Variants in LUZP1 observed in about 807,000 individuals in gnomAD.
The protein encoded by LUZP1 is leucine zipper protein 1.
A neutral mutation model predicts 71.3 loss-of-function variants in LUZP1; 25 were observed. That is an observed-to-expected ratio of 0.35 (90% CI 0.26 to 0.49). The LOEUF (loss-of-function observed/expected upper bound fraction) is 0.49, where lower values mean the gene tolerates loss of function less well. Ranked by LOEUF, LUZP1 falls within the 20% of genes least tolerant of loss-of-function variation. The pLI, the probability that LUZP1 is intolerant of heterozygous loss-of-function variation, is 0.99. For missense variants in LUZP1, 1,142 were observed against 1,300.8 expected, an observed-to-expected ratio of 0.88 and a Z score of 1.88; for synonymous variants, 481 against 506.4, an observed-to-expected ratio of 0.95 and a Z score of 0.67.
At chr1:23,104,588 C>T (rs558734911) in intron 3 of LUZP1, among the ~76,000 whole-genome samples, 3 of 152,302 alleles carry the variant, frequency 2.0e-5, no homozygotes, top group African/African-American at 4.8e-5. Flanking sequence ...GCTTCTATCA[C>T]TATATCCATG....
Position 23,092,572 on chromosome 1 carries a change from T to C in LUZP1, c.1690A>G (p.Ile564Val), listed in dbSNP as rs761520954. 6.8e-6 allele frequency: 11 copies of C among 1,614,218 alleles called. No individual in the cohort carries two copies. Among genetic ancestry groups the C allele is most frequent in the South Asian group, 6.6e-5 (6 of 91,090 alleles). The change falls in exon 4 of 5, where the codon ATT (isoleucine) becomes GTT (valine). Residue 564 changes from isoleucine (I) to valine (V), a missense_variant. Transcript: ENST00000302291. ...CTTCGAGATGAGGCCAGGGCTCCAATGGCCTTAGAACAGCCAGAGTTTGCA... is the reference window on the plus strand; with the variant it reads ...CTTCGAGATGAGGCCAGGGCTCCAACGGCCTTAGAACAGCCAGAGTTTGCA...
chr1:23,168,800 G>A lies in LUZP1; in HGVS notation c.-260C>T, dbSNP rs1459464201. On this transcript the variant is annotated 5_prime_UTR_variant, in exon 2 of 5. Coordinates refer to ENST00000302291, the Ensembl canonical transcript of LUZP1. ...CCCGAACCGCGCTCCCGCCAGCGAA[G>A]GGTTCCGCCGCTCAGCTGCCAGCGA... 2.0e-5 allele frequency: 3 copies of A among 153,074 alleles called. No individual in the cohort carries two copies. The East Asian group carries it at 5.8e-4, about 30-fold the overall frequency. 9.5% of individuals were successfully genotyped at this position (153,074 alleles called of 1,614,324 possible).
chr1:23,121,668 C>T (rs1044729745), intron 2 of LUZP1, among the ~76,000 whole-genome samples: 1 of 152,062 alleles, frequency 6.6e-6, no homozygotes, highest in African/African-American at 2.4e-5. Context: ...TGCAGTGAGC[C>T]GAGATCAAGT....
intron 2 of LUZP1, among the ~76,000 whole-genome samples, chr1:23,165,522 A>G (rs1415861128): frequency 6.6e-6 from 1 of 152,158 alleles, no homozygotes. Context: ...AAATAAAAAA[A>G]AAAGTTAGCC....
chr1:23,147,022 G>A (rs910290329), intron 2 of LUZP1, among the ~76,000 whole-genome samples: 6 of 151,230 alleles, frequency 4.0e-5, no homozygotes, highest in Admixed American at 1.3e-4. Context: ...GCGTGAGCCC[G>A]GGAGGCGGAG....
chr1:23,175,065 A>G (rs1319681165), intron 1 of LUZP1, among the ~76,000 whole-genome samples: 1 of 152,116 alleles, frequency 6.6e-6, no homozygotes, highest in East Asian at 1.9e-4. Context: ...AGTATATTGC[A>G]TATACTATCT....
chr1:23,090,511 C>T (rs1242234806), intron 4 of LUZP1: 2 of 222,358 alleles, frequency 9.0e-6, no homozygotes, highest in African/African-American at 2.3e-5. Flanking sequence ...GTTCTGACAC[C>T]CTGAGCCTCA....
chr1:23,177,027 G>A (rs567241596), intron 1 of LUZP1, among the ~76,000 whole-genome samples: 10 of 151,812 alleles, frequency 6.6e-5, no homozygotes, highest in African/African-American at 2.4e-4. Context: ...GACTAGAAGC[G>A]TGTGCCACCA....
At chr1:23,108,594 C>T (rs955958881) in intron 3 of LUZP1, among the ~76,000 whole-genome samples, 5 of 152,112 alleles carry the variant, frequency 3.3e-5, no homozygotes, top group Admixed American at 6.5e-5. Context: ...GAGCGAAACC[C>T]AGTCTCAGAA....
chr1:23,119,527 T>C (rs1644114103), intron 2 of LUZP1, among the ~76,000 whole-genome samples: 1 of 152,162 alleles, frequency 6.6e-6, no homozygotes, highest in Non-Finnish European at 1.5e-5. Context: ...CTTACAACTT[T>C]TAAACAAAGT....
chr1:23,091,967 C>T (rs1643862333), exon 4 of LUZP1: 1 of 1,614,128 alleles, frequency 6.2e-7, no homozygotes. Flanking sequence ...TGATTTTTTT[C>T]ACATCCTTAT....
chr1:23,087,360 CATACTATT>C (rs1284708159), exon 5 of LUZP1: 1 of 152,138 alleles, frequency 6.6e-6, no homozygotes, highest in Non-Finnish European at 1.5e-5. Context: ...AAAATCATCC[CATACTATT>C]ATAGATGGTG....
chr1:23,116,198 T>C (rs1644076964), intron 2 of LUZP1, among the ~76,000 whole-genome samples: 1 of 152,058 alleles, frequency 6.6e-6, no homozygotes, highest in Non-Finnish European at 1.5e-5. Flanking sequence ...CTGGGCAACA[T>C]AGTGAGACCT....
chr1:23,139,100 A>G (rs1021271746), intron 2 of LUZP1, among the ~76,000 whole-genome samples: 1 of 143,204 alleles, frequency 7.0e-6, no homozygotes, highest in Non-Finnish European at 1.5e-5. Flanking sequence ...TATATAGATT[A>G]TATATAGATA....
chr1:23,095,439 G>C (rs1413824206), intron 3 of LUZP1, among the ~76,000 whole-genome samples: 2 of 152,176 alleles, frequency 1.3e-5, no homozygotes, highest in Non-Finnish European at 2.9e-5. Flanking sequence ...TGACATTCCA[G>C]CTAAAACCAG....
upstream of LUZP1, chr1:23,177,868 C>T (rs911616971): frequency 6.6e-6 from 1 of 152,316 alleles, no homozygotes. Flanking sequence ...AGCCGAGGGC[C>T]GGGGAGGAGG....
At chr1:23,165,257 C>T (rs190768866) in intron 2 of LUZP1, among the ~76,000 whole-genome samples, 135 of 152,000 alleles carry the variant, frequency 8.9e-4, no homozygotes, top group Non-Finnish European at 1.4e-3. Flanking sequence ...AAAATAAACA[C>T]AGTGGTGGTA....
At chr1:23,119,665 C>T (rs897735954) in intron 2 of LUZP1, among the ~76,000 whole-genome samples, 1 of 152,154 alleles carries the variant, frequency 6.6e-6, no homozygotes, top group South Asian at 2.1e-4. Flanking sequence ...TACCAAACCC[C>T]GAGCTCCTGA....
At chr1:23,137,754 TATTGAGA>T (rs1644266414) in intron 2 of LUZP1, among the ~76,000 whole-genome samples, 4 of 152,196 alleles carry the variant, frequency 2.6e-5, no homozygotes, top group African/African-American at 9.6e-5. Context: ...CATAGATTGC[TATTGAGA>T]ATGTAACATG....
Sources: gnomAD v4.1 joint callset for allele counts (sites outside exome capture counted in the v4.1 genomes callset) on GRCh38, gnomAD v4.1.1 for gene constraint, MANE v1.5 for transcripts, NCBI Gene and HGNC (gene_info 2026-07-23, HGNC 2026-07-21) for gene names.